The following ITPR1 variants were observed in gnomAD, a reference collection of about 807,000 sequenced individuals.
ITPR1 encodes inositol 1,4,5-trisphosphate-gated calcium channel ITPR1.
A neutral mutation model predicts 318.4 loss-of-function variants in ITPR1; 96 were observed. The ratio of observed to expected loss-of-function variants is 0.30; its 90% confidence interval spans 0.26 to 0.36. ITPR1 has a LOEUF of 0.36. Among genes scored for constraint, ITPR1 ranks in the 10% least tolerant of loss-of-function variants. ITPR1 has a pLI of 1.00. For synonymous variants in ITPR1, 1,312 were observed against 1,289.9 expected (o/e 1.02, Z -0.37); for missense variants, 2,440 against 3,460.2 (o/e 0.71, Z 7.40).
At chr3:4,536,074 T>G (rs1424893295) in intron 4 of ITPR1, among the ~76,000 whole-genome samples, 1 of 152,190 alleles carries the variant, frequency 6.6e-6, no homozygotes, top group African/African-American at 2.4e-5. Flanking sequence ...TTTTGTAATT[T>G]CAGGACAAAG....
chr3:4,562,693 A>G (rs1014156296), intron 4 of ITPR1, among the ~76,000 whole-genome samples: 2 of 150,976 alleles, frequency 1.3e-5, no homozygotes, highest in African/African-American at 4.9e-5. Flanking sequence ...GCACTTAGCT[A>G]AAAATGACTC....
intron 59 of ITPR1, among the ~76,000 whole-genome samples, chr3:4,816,008 AC>A (rs1194864189): frequency 4.0e-5 from 6 of 151,064 alleles, no homozygotes; most frequent in African/African-American, 1.5e-4. Flanking sequence ...ACACACACAC[AC>A]ACACACATTT....
intron 61 of ITPR1, among the ~76,000 whole-genome samples, chr3:4,839,347 A>C (rs957369528): frequency 6.6e-6 from 1 of 151,468 alleles, no homozygotes; most frequent in African/African-American, 2.4e-5. Flanking sequence ...AAAAGAATAG[A>C]GGTATAGGAC....
intron 33 of ITPR1, among the ~76,000 whole-genome samples, chr3:4,696,673 GTT>G (rs10546052): frequency 0.079 from 9,267 of 117,222 alleles, 761 homozygotes; most frequent in African/African-American, 0.25. Context: ...CTTGCCGTGT[GTT>G]TTTTTTTTTT....
chr3:4,683,574 G>A (rs559844921), intron 27 of ITPR1, 23 bp downstream of exon 27: 4 of 1,613,782 alleles, frequency 2.5e-6, no homozygotes, highest in Admixed American at 3.3e-5. Flanking sequence ...ACCCACGTGT[G>A]TGTTGTCTGT....
intron 46 of ITPR1, among the ~76,000 whole-genome samples, chr3:4,771,022 C>T (rs75851802): frequency 6.6e-6 from 1 of 152,302 alleles, no homozygotes; most frequent in African/African-American, 2.4e-5. Flanking sequence ...TGTTTCTGAG[C>T]AGAGCATGGT....
intron 4 of ITPR1, among the ~76,000 whole-genome samples, chr3:4,618,334 G>A (rs1334482788): frequency 6.6e-6 from 1 of 152,150 alleles, no homozygotes; most frequent in Non-Finnish European, 1.5e-5. Flanking sequence ...ATTTACCACT[G>A]TGTTTCTAGA....
intron 4 of ITPR1, among the ~76,000 whole-genome samples, chr3:4,606,350 A>G (rs2091700884): frequency 6.6e-6 from 1 of 152,136 alleles, no homozygotes; most frequent in African/African-American, 2.4e-5. Context: ...CCAGGTAGAA[A>G]ATGGCACTGA....
At chr3:4,604,989 G>A (rs1411274878) in intron 4 of ITPR1, among the ~76,000 whole-genome samples, 1 of 151,868 alleles carries the variant, frequency 6.6e-6, no homozygotes, top group East Asian at 1.9e-4. Context: ...TTTGGGTGGG[G>A]GGGATGGAGT....
At chr3:4,731,129 T>C (rs778708838) in intron 42 of ITPR1, among the ~76,000 whole-genome samples, 6 of 152,254 alleles carry the variant, frequency 3.9e-5, no homozygotes, top group Non-Finnish European at 8.8e-5. Flanking sequence ...CTTTTCTTTC[T>C]CTCAATTCTT....
chr3:4,664,762 T>C (rs113991532), intron 16 of ITPR1, among the ~76,000 whole-genome samples: 3 of 152,366 alleles, frequency 2.0e-5, no homozygotes, highest in African/African-American at 7.2e-5. Flanking sequence ...ACCTCTGTGA[T>C]ATAGGCATTA....
rs529170487 is a variant in ITPR1, at chr3:4,597,448, G to C, written c.164-30315G>C. The stretch of plus-strand genomic sequence containing the variant: ...CGTCATTTGAGCCCCCACGGAGACT[G>C]TAGTGTGGTAAGGAAATGACACAGT... On this transcript the variant is annotated intron_variant, in intron 4 of 61. Transcript: ENST00000649015. Among the ~76,000 whole-genome samples the C allele has an allele frequency of 4.6e-5, 7 of 152,340 alleles. 1 individual carries two copies. The South Asian group carries it at 1.2e-3, about 27-fold the overall frequency.
chr3:4,521,819 G>A (rs2082591908), intron 4 of ITPR1, among the ~76,000 whole-genome samples: 1 of 152,130 alleles, frequency 6.6e-6, no homozygotes, highest in Non-Finnish European at 1.5e-5. Context: ...ACTGTGAACC[G>A]AGATCGCACC....
intron 10 of ITPR1, among the ~76,000 whole-genome samples, chr3:4,650,677 T>A (rs2093577947): frequency 6.9e-6 from 1 of 144,394 alleles, no homozygotes; most frequent in Non-Finnish European, 1.5e-5. Context: ...GTGTTTACCT[T>A]GCTGGAGTTC....
Position 4,811,190 on chromosome 3 carries a change from C to G in ITPR1, c.7273-75C>G, listed in dbSNP as rs569604321. On this transcript the variant is annotated intron_variant, in intron 55 of 61. Transcript: ENST00000649015. ...CTAAGAGGGCAAACTCTCTATAAAC[C>G]AAGTTTGCATTATGGGATAGTGATG... 59 of 1,078,900 alleles carry G rather than the reference C, an allele frequency of 5.5e-5. 2 individuals carry two copies. The South Asian group carries it at 1.1e-3, about 21-fold the overall frequency. 66.8% of individuals were successfully genotyped at this position (1,078,900 alleles called of 1,614,324 possible).
chr3:4,796,083 C>G (rs1017879610), intron 53 of ITPR1, among the ~76,000 whole-genome samples: 1 of 152,172 alleles, frequency 6.6e-6, no homozygotes, highest in Non-Finnish European at 1.5e-5. Context: ...TCAGGCTCCA[C>G]TCTTTAGCTT....
intron 10 of ITPR1, among the ~76,000 whole-genome samples, chr3:4,647,871 G>C (rs571057236): frequency 2.4e-4 from 36 of 152,380 alleles, no homozygotes; most frequent in African/African-American, 7.2e-4. Flanking sequence ...ATCAAGTTCA[G>C]CCGGACATGG....
intron 26 of ITPR1, among the ~76,000 whole-genome samples, chr3:4,682,443 C>T (rs2094319007): frequency 1.3e-5 from 2 of 152,214 alleles, no homozygotes; most frequent in Non-Finnish European, 2.9e-5. Context: ...CATGGCCAAG[C>T]TCATTGTCAG....
At chr3:4,678,514 C>T (rs2094230354) in intron 24 of ITPR1, among the ~76,000 whole-genome samples, 1 of 152,164 alleles carries the variant, frequency 6.6e-6, no homozygotes, top group Admixed American at 6.5e-5. Context: ...CTACCATGTG[C>T]ACTGTGAGGA....
Sources: gnomAD v4.1 joint callset for allele counts (sites outside exome capture counted in the v4.1 genomes callset) on GRCh38, gnomAD v4.1.1 for gene constraint, MANE v1.5 for transcripts, NCBI Gene and HGNC (gene_info 2026-07-23, HGNC 2026-07-21) for gene names.